Variants in UNC5D observed in about 807,000 individuals in gnomAD.
UNC5D encodes the protein netrin receptor UNC5D.
Under a neutral mutation model 105.4 loss-of-function variants are expected in UNC5D, and 39 were observed. That is an observed-to-expected ratio of 0.37 (90% CI 0.29 to 0.48). The LOEUF is 0.48. Among genes scored for constraint, UNC5D ranks in the 20% least tolerant of loss-of-function variants. The pLI is 0.98. For synonymous variants in UNC5D, 452 were observed against 450.4 expected, an observed-to-expected ratio of 1.00 and a Z score of -0.04; for missense variants, 991 against 1,202.4, an observed-to-expected ratio of 0.82 and a Z score of 2.60.
rs1808284926 is a variant in UNC5D, at chr8:35,305,577, T to TTTCTTTCTTTCTC, written c.103+69692_103+69693insCTTTCTTTCTCTT. 7.2e-4 allele frequency among the ~76,000 whole-genome samples: 39 copies of TTTCTTTCTTTCTC among 54,020 alleles called. 1 individual carries two copies. Among genetic ancestry groups the TTTCTTTCTTTCTC allele is most frequent in the African/African-American group, 2.1e-3 (32 of 15,276 alleles). 35.4% of individuals were successfully genotyped at this position (54,020 alleles called of 152,430 possible). ...TCTCTTCCTTCCTTTCTTTCTTTCT[T>TTTCTTTCTTTCTC]TTTCTTTCTTTCTTTCTTTCTTTCT... is the stretch of plus-strand genomic sequence containing the variant. On this transcript the variant is annotated intron_variant, in intron 1 of 16. Coordinates refer to ENST00000404895, the MANE Select transcript of UNC5D (RefSeq NM_080872.4).
At chr8:35,715,046 G>C (rs1397957679) in intron 8 of UNC5D, among the ~76,000 whole-genome samples, 1 of 152,206 alleles carries the variant, frequency 6.6e-6, no homozygotes, top group African/African-American at 2.4e-5. Context: ...AGCTGCTCGG[G>C]AGGCTGAGGC....
At chr8:35,250,872 A>ATGTGTACC (rs1037323722) in intron 1 of UNC5D, among the ~76,000 whole-genome samples, 6 of 152,010 alleles carry the variant, frequency 3.9e-5, no homozygotes, top group Non-Finnish European at 8.8e-5. Flanking sequence ...CTTTATGTCC[A>ATGTGTACC]TGTGTACCCA....
chr8:35,357,436 C>G (rs898286997), intron 1 of UNC5D, among the ~76,000 whole-genome samples: 17 of 152,158 alleles, frequency 1.1e-4, no homozygotes, highest in African/African-American at 3.9e-4. Flanking sequence ...ACACTTTTCA[C>G]TTTGCTTTGC....
At chr8:35,480,827 AT>A (rs1426016441) in intron 1 of UNC5D, among the ~76,000 whole-genome samples, 1 of 152,230 alleles carries the variant, frequency 6.6e-6, no homozygotes, top group African/African-American at 2.4e-5. Flanking sequence ...CCTTGGTCTG[AT>A]TACCACAATG....
At chr8:35,707,029 C>T (rs1270814628) in intron 8 of UNC5D, among the ~76,000 whole-genome samples, 2 of 152,178 alleles carry the variant, frequency 1.3e-5, no homozygotes, top group Admixed American at 1.3e-4. Context: ...AAAGACGTCC[C>T]TGCCTAGCAT....
At chr8:35,337,551 T>C (rs1258014296) in intron 1 of UNC5D, among the ~76,000 whole-genome samples, 1 of 152,216 alleles carries the variant, frequency 6.6e-6, no homozygotes, top group Non-Finnish European at 1.5e-5. Context: ...GCTTTTCCTA[T>C]CGAGTTAAGG....
chr8:35,669,178 T>A (rs1298156249), intron 4 of UNC5D, among the ~76,000 whole-genome samples: 2 of 152,208 alleles, frequency 1.3e-5, no homozygotes, highest in African/African-American at 4.8e-5. Context: ...TGAAGATATT[T>A]ATTTCAATGC....
At chr8:35,782,406 C>CTA (rs1459852131) in intron 16 of UNC5D, among the ~76,000 whole-genome samples, 1 of 151,954 alleles carries the variant, frequency 6.6e-6, no homozygotes, top group Non-Finnish European at 1.5e-5. Flanking sequence ...CTATCTGGTG[C>CTA]TATATAGTAG....
chr8:35,623,358 T>A (rs1404723073), intron 4 of UNC5D, among the ~76,000 whole-genome samples: 2 of 152,256 alleles, frequency 1.3e-5, no homozygotes, highest in African/African-American at 2.4e-5. Context: ...GAAAATGTGC[T>A]ATGAACACCC....
chr8:35,651,761 A>G (rs1279860283), intron 4 of UNC5D, among the ~76,000 whole-genome samples: 4 of 151,780 alleles, frequency 2.6e-5, no homozygotes, highest in African/African-American at 9.7e-5. Context: ...GTGAAACTAC[A>G]CTCTTCTGGG....
At chr8:35,783,162 AG>A (rs972578120) in intron 16 of UNC5D, among the ~76,000 whole-genome samples, 27 of 138,116 alleles carry the variant, frequency 2.0e-4, no homozygotes, top group Non-Finnish European at 3.6e-4. Context: ...AAAAAAAAAA[AG>A]AGTCATATGT....
intron 1 of UNC5D, among the ~76,000 whole-genome samples, chr8:35,286,759 G>A (rs993335688): frequency 3.9e-5 from 6 of 152,180 alleles, no homozygotes; most frequent in African/African-American, 1.4e-4. Flanking sequence ...CAGTAGGTAA[G>A]CCCAAGTCCA....
At chr8:35,345,861 GCAGAGTCAT>G (rs1811774162) in intron 1 of UNC5D, among the ~76,000 whole-genome samples, 1 of 151,932 alleles carries the variant, frequency 6.6e-6, no homozygotes, top group Non-Finnish European at 1.5e-5. Flanking sequence ...TTAAGGTAAA[GCAGAGTCAT>G]CTCTTTGTAA....
intron 4 of UNC5D, among the ~76,000 whole-genome samples, chr8:35,655,089 G>T (rs1029030445): frequency 1.3e-5 from 2 of 152,122 alleles, no homozygotes; most frequent in Non-Finnish European, 2.9e-5. Flanking sequence ...TCTCTAATAT[G>T]AAAAATAGTA....
intron 1 of UNC5D, among the ~76,000 whole-genome samples, chr8:35,413,332 G>C (rs1357784977): frequency 1.4e-5 from 2 of 146,718 alleles, no homozygotes; most frequent in African/African-American, 2.5e-5. Context: ...TCACTGTTTT[G>C]GGCAAATTGG....
chr8:35,519,123 T>C (rs183077978), intron 1 of UNC5D, among the ~76,000 whole-genome samples: 36 of 152,318 alleles, frequency 2.4e-4, no homozygotes, highest in African/African-American at 8.7e-4. Flanking sequence ...TGCATGAGTC[T>C]AGTCTCTTTA....
intron 1 of UNC5D, among the ~76,000 whole-genome samples, chr8:35,508,232 AT>A (rs1420577992): frequency 1.3e-5 from 2 of 152,212 alleles, no homozygotes; most frequent in East Asian, 3.8e-4. Flanking sequence ...CACTGTTTGG[AT>A]TTCAGTGCAT....
chr8:35,718,340 T>C (rs1828374038), intron 8 of UNC5D, among the ~76,000 whole-genome samples: 1 of 152,172 alleles, frequency 6.6e-6, no homozygotes, highest in African/African-American at 2.4e-5. Context: ...TTGTTCAAAA[T>C]CACTTTGAGC....
At chr8:35,396,241 C>G (rs571832024) in intron 1 of UNC5D, among the ~76,000 whole-genome samples, 7 of 152,068 alleles carry the variant, frequency 4.6e-5, no homozygotes, top group Non-Finnish European at 1.0e-4. Flanking sequence ...CAGGAGCACT[C>G]ATAGGACTCA....
Sources: allele counts gnomAD v4.1 joint callset (sites outside exome capture counted in the v4.1 genomes callset), GRCh38; gene constraint gnomAD v4.1.1; transcripts MANE v1.5; gene names NCBI Gene and HGNC (gene_info 2026-07-23, HGNC 2026-07-21).